Variants in HS6ST3 observed in about 807,000 individuals in gnomAD.
HS6ST3 encodes the protein heparan-sulfate 6-O-sulfotransferase 3.
A neutral mutation model predicts 36.7 loss-of-function variants in HS6ST3; 12 were observed. That is an observed-to-expected ratio of 0.33 (90% CI 0.21 to 0.53). HS6ST3 has a LOEUF of 0.53. Ranked by LOEUF, HS6ST3 falls within the 20% of genes least tolerant of loss-of-function variation. The pLI, the probability that HS6ST3 is intolerant of heterozygous loss-of-function variation, is 0.95. For synonymous variants in HS6ST3, 240 were observed against 257.5 expected, an observed-to-expected ratio of 0.93 and a Z score of 0.65; for missense variants, 584 against 640.9, an observed-to-expected ratio of 0.91 and a Z score of 0.96.
At chr13:96,326,951 G>A (rs554952784) in intron 1 of HS6ST3, among the ~76,000 whole-genome samples, 55 of 150,156 alleles carry the variant, frequency 3.7e-4, no homozygotes, top group African/African-American at 1.3e-3. Context: ...ATTTTTTCAT[G>A]TGTTTTTTGG....
At chr13:96,276,641 A>G (rs1455338974) in intron 1 of HS6ST3, among the ~76,000 whole-genome samples, 1 of 152,176 alleles carries the variant, frequency 6.6e-6, no homozygotes, top group Non-Finnish European at 1.5e-5. Flanking sequence ...ATTTCATTGG[A>G]TTTCTGTTGA....
At chr13:96,303,677 A>G (rs2054894479) in intron 1 of HS6ST3, among the ~76,000 whole-genome samples, 1 of 152,196 alleles carries the variant, frequency 6.6e-6, no homozygotes, top group Non-Finnish European at 1.5e-5. Context: ...AAAAATATCA[A>G]GGTCTATAGG....
intron 1 of HS6ST3, among the ~76,000 whole-genome samples, chr13:96,383,719 T>TGG (rs111856026): frequency 5.9e-5 from 9 of 151,672 alleles, no homozygotes; most frequent in Non-Finnish European, 8.8e-5. Flanking sequence ...CCCCTCAAAG[T>TGG]GGGGGGGACA....
intron 1 of HS6ST3, among the ~76,000 whole-genome samples, chr13:96,620,497 C>T (rs555765818): frequency 6.6e-5 from 10 of 152,282 alleles, no homozygotes; most frequent in African/African-American, 2.4e-4. Context: ...AGGCCTTGAA[C>T]ATCTGACTTT....
chr13:96,508,214 A>T (rs1261442020), intron 1 of HS6ST3, among the ~76,000 whole-genome samples: 1 of 152,052 alleles, frequency 6.6e-6, no homozygotes, highest in Non-Finnish European at 1.5e-5. Context: ...CATAATTGCC[A>T]TTGGATATTT....
chr13:96,618,265 A>G (rs1246454172), intron 1 of HS6ST3, among the ~76,000 whole-genome samples: 1 of 151,988 alleles, frequency 6.6e-6, no homozygotes, highest in Non-Finnish European at 1.5e-5. Context: ...CACCTGGATA[A>G]TTTTAAATTT....
chr13:96,522,124 A>G (rs113057935), intron 1 of HS6ST3, among the ~76,000 whole-genome samples: 3 of 152,184 alleles, frequency 2.0e-5, no homozygotes, highest in African/African-American at 4.8e-5. Flanking sequence ...AGTCATTCAG[A>G]AGCAGGTTGT....
chr13:96,399,107 T>C (rs2055436360), intron 1 of HS6ST3, among the ~76,000 whole-genome samples: 1 of 152,238 alleles, frequency 6.6e-6, no homozygotes, highest in South Asian at 2.1e-4. Context: ...GGTAATTAGC[T>C]ATGCAGCAAT....
rs36026016 is a variant in HS6ST3, at chr13:96,555,088, TATAC to T, written c.708-277379_708-277376del. Among the ~76,000 whole-genome samples the T allele has an allele frequency of 1.8e-3, 270 of 151,122 alleles. 2 individuals are homozygous for T. The highest frequency in any genetic ancestry group is 6.2e-3 in the African/African-American group (253 of 40,968). ...GAGTGAGACCCTGTCTCAATACATA[TATAC>T]ATACATACATACATACATACATGGT... On this transcript the variant is annotated intron_variant, in intron 1 of 1. Transcript: ENST00000376705.
intron 1 of HS6ST3, among the ~76,000 whole-genome samples, chr13:96,814,002 C>CATT (rs1393045295): frequency 1.3e-5 from 2 of 152,082 alleles, no homozygotes; most frequent in Non-Finnish European, 2.9e-5. Flanking sequence ...ATGACTCTTT[C>CATT]ATTATTATTA....
chr13:96,102,855 A>T (rs1411163952), intron 1 of HS6ST3, among the ~76,000 whole-genome samples: 2 of 152,234 alleles, frequency 1.3e-5, no homozygotes, highest in African/African-American at 2.4e-5. Flanking sequence ...AGTGAGTGGT[A>T]TGAGATGGAA....
intron 1 of HS6ST3, among the ~76,000 whole-genome samples, chr13:96,513,282 G>A (rs367565103): frequency 1.1e-3 from 164 of 151,266 alleles, no homozygotes; most frequent in African/African-American, 3.9e-3. Flanking sequence ...TTTTTCTGGG[G>A]CGAGATCTAA....
intron 1 of HS6ST3, among the ~76,000 whole-genome samples, chr13:96,133,668 C>T (rs567080910): frequency 6.6e-6 from 1 of 152,242 alleles, no homozygotes; most frequent in South Asian, 2.1e-4. Context: ...GGTGATTTGC[C>T]CGCCTTGGCC....
intron 1 of HS6ST3, among the ~76,000 whole-genome samples, chr13:96,116,520 A>G (rs925179402): frequency 6.6e-6 from 1 of 152,188 alleles, no homozygotes; most frequent in Non-Finnish European, 1.5e-5. Context: ...TTTAACGTGC[A>G]GTGAAATCTC....
intron 1 of HS6ST3, among the ~76,000 whole-genome samples, chr13:96,335,470 C>G (rs924236775): frequency 6.6e-6 from 1 of 152,200 alleles, no homozygotes; most frequent in African/African-American, 2.4e-5. Context: ...AGTATCTTGT[C>G]TTAAGAAAGC....
intron 1 of HS6ST3, among the ~76,000 whole-genome samples, chr13:96,098,109 A>G (rs1437829607): frequency 1.3e-5 from 2 of 152,264 alleles, no homozygotes; most frequent in African/African-American, 4.8e-5. Flanking sequence ...GACTTATTGG[A>G]CTTGTTGGAC....
chr13:96,825,628 T>C (rs968316298), intron 1 of HS6ST3, among the ~76,000 whole-genome samples: 2 of 152,200 alleles, frequency 1.3e-5, no homozygotes, highest in African/African-American at 4.8e-5. Flanking sequence ...GTTTAATACT[T>C]TAATACTGTT....
chr13:96,563,143 CCTT>C (rs766483273), intron 1 of HS6ST3, among the ~76,000 whole-genome samples: 10 of 151,604 alleles, frequency 6.6e-5, no homozygotes, highest in Non-Finnish European at 1.2e-4. Context: ...ATAAATCAAA[CCTT>C]CTAATCATCT....
At chr13:96,506,105 G>C (rs1425757770) in intron 1 of HS6ST3, among the ~76,000 whole-genome samples, 1 of 152,048 alleles carries the variant, frequency 6.6e-6, no homozygotes, top group African/African-American at 2.4e-5. Flanking sequence ...AAATAATGCA[G>C]GGATTTTTTT....
Sources: gnomAD v4.1 joint callset for allele counts (sites outside exome capture counted in the v4.1 genomes callset) on GRCh38, gnomAD v4.1.1 for gene constraint, MANE v1.5 for transcripts, NCBI Gene and HGNC (gene_info 2026-07-23, HGNC 2026-07-21) for gene names.